The following ZNF354A variants were observed in gnomAD, a reference collection of about 807,000 sequenced individuals.
ZNF354A encodes epididymis luminal protein 104.
Under a neutral mutation model 53.3 loss-of-function variants are expected in ZNF354A, and 25 were observed. The observed-to-expected ratio is 0.47, with a 90% CI of 0.34 to 0.66. ZNF354A has a LOEUF of 0.66. Ranked by LOEUF, ZNF354A falls within the 30% of genes least tolerant of loss-of-function variation. The probability of loss-of-function intolerance (pLI) is 0.01; values close to 1 mark genes in which losing one functional copy is unlikely to be tolerated. For missense variants in ZNF354A, 586 were observed against 716.8 expected (o/e 0.82, Z 2.08); for synonymous variants, 228 against 249.0 (o/e 0.92, Z 0.79).
chr5:178,730,281 G>A (rs934948320), intron 1 of ZNF354A, among the ~76,000 whole-genome samples: 5 of 152,048 alleles, frequency 3.3e-5, no homozygotes, highest in African/African-American at 4.8e-5. Flanking sequence ...CGGGGTCCCG[G>A]TGCCCCGAGT....
chr5:178,712,259 T>C lies in ZNF354A; in HGVS notation c.1619A>G (p.His540Arg). The C allele has an allele frequency of 6.2e-7, 1 of 1,614,164 alleles. No homozygotes were observed. Among genetic ancestry groups the C allele is most frequent in the Non-Finnish European group, 8.5e-7 (1 of 1,179,992 alleles). ...SFGQSSALIQ[H>R]RRIHTGEKPF... is the part of the protein sequence containing the mutation. Reference sequence around the variant, plus strand: ...TTTTTCTCCTGTATGAATCCTTCGATGCTGAATAAGAGCTGAACTTTGGCC... The same window carrying C: ...TTTTTCTCCTGTATGAATCCTTCGACGCTGAATAAGAGCTGAACTTTGGCC... The change falls in exon 5 of 5, where the codon CAT becomes CGT. Residue 540 changes from histidine to arginine, a missense_variant. Transcript: ENST00000335815.
chr5:178,730,383 C>CG (rs1766010879), intron 1 of ZNF354A, among the ~76,000 whole-genome samples, 173 bp downstream of exon 1: 1 of 147,098 alleles, frequency 6.8e-6, no homozygotes, highest in Non-Finnish European at 1.5e-5. Flanking sequence ...GCACCAGCAA[C>CG]GGCGAGGGAG....
chr5:178,722,686 C>G (rs1483714548), intron 4 of ZNF354A, among the ~76,000 whole-genome samples: 1 of 152,190 alleles, frequency 6.6e-6, no homozygotes, highest in Non-Finnish European at 1.5e-5. Flanking sequence ...CATACCCTGG[C>G]CAGGGACTGT....
rs761605628 is a variant in ZNF354A, at chr5:178,713,319, G to C, written c.559C>G (p.Pro187Ala). ...QQILPREKTP[P>A]KCEIQGNSLK... ...CTGTTTCCTTGTATTTCACATTTTG[G>C]TGGTGTTTTTTCTCTGGGAAGTATC... The change falls in exon 5 of 5, where the codon CCA becomes GCA. Residue 187 changes from proline to alanine, a missense_variant. By Grantham distance (27) the Pro-to-Ala change is conservative. Coordinates refer to ENST00000335815, the MANE Select transcript of ZNF354A (RefSeq NM_005649.3). 6.2e-7 allele frequency: 1 copy of C among 1,614,092 alleles called. No individual in the cohort carries two copies. Among genetic ancestry groups the C allele is most frequent in the East Asian group, 2.2e-5 (1 of 44,866 alleles).
In ZNF354A at chr5:178,727,138, G is replaced by A. The variant is rs1267511853; in HGVS notation, c.34-13C>T. 2.5e-6 allele frequency: 4 copies of A among 1,609,366 alleles called. No homozygotes were observed. The highest frequency in any genetic ancestry group is 1.1e-5 in the South Asian group (1 of 90,288). On this transcript the variant is annotated splice_polypyrimidine_tract_variant and intron_variant, in intron 2 of 4. Coordinates refer to ENST00000335815, the MANE Select transcript of ZNF354A (RefSeq NM_005649.3). Reference sequence around the variant, plus strand: ...ACGTCAGTGACACCTGTAAGGACAAGTCGTTCCAGCTCACCCAGGACCACC... The same window carrying A: ...ACGTCAGTGACACCTGTAAGGACAAATCGTTCCAGCTCACCCAGGACCACC...
At chr5:178,728,805 A>AAAAC in intron 2 of ZNF354A, among the ~76,000 whole-genome samples, 185 bp downstream of exon 2, 1 of 105,538 alleles carries the variant, frequency 9.5e-6, no homozygotes, top group Non-Finnish European at 1.9e-5. Context: ...AAAAAAGAGA[A>AAAAC]CCACTAGACA....
chr5:178,712,357 T>A lies in ZNF354A; in HGVS notation c.1521A>T (p.Ser507=), dbSNP rs1408676973. The change falls in exon 5 of 5, where the codon TCA becomes TCT. Residue 507 remains serine, a synonymous_variant. Transcript: ENST00000335815. ...GAATTCTCTGGTGATTACTAAGTGA[T>A]GAGTTACACCTGAATGTTTTCCCAC... is the stretch of plus-strand genomic sequence containing the variant. ...NECGKTFRCN[S]SLSNHQRIHT... 10 of 1,613,708 alleles carry A rather than the reference T, an allele frequency of 6.2e-6. No homozygotes were observed. Among genetic ancestry groups the A allele is most frequent in the Non-Finnish European group, 8.5e-6 (10 of 1,179,590 alleles).
chr5:178,725,223 A>G (rs1245348798), intron 4 of ZNF354A, among the ~76,000 whole-genome samples, 153 bp downstream of exon 4: 5 of 152,264 alleles, frequency 3.3e-5, no homozygotes, highest in African/African-American at 1.2e-4. Context: ...TTCATGGGGA[A>G]GTGAATCCTG....
chr5:178,728,632 G>T, intron 2 of ZNF354A, among the ~76,000 whole-genome samples: 1 of 136,244 alleles, frequency 7.3e-6, no homozygotes, highest in Non-Finnish European at 1.7e-5. Context: ...TCTAATAAAA[G>T]CACAAAAAAA....
rs184771850 is a variant in ZNF354A, at chr5:178,725,217, T to C, written c.256+159A>G. 2.2e-4 allele frequency among the ~76,000 whole-genome samples: 34 copies of C among 152,382 alleles called. No homozygotes were observed. In the East Asian group the frequency reaches 5.8e-3, roughly 26 times the overall value. On this transcript the variant is annotated intron_variant, in intron 4 of 4. Transcript: ENST00000335815. Reference sequence around the variant, plus strand: ...TAAGAAAGAGATTCTGAGAGATTCATGGGGAAGTGAATCCTGCCTAAGAGC... The same window carrying C: ...TAAGAAAGAGATTCTGAGAGATTCACGGGGAAGTGAATCCTGCCTAAGAGC...
Position 178,712,467 on chromosome 5 carries a change from A to G in ZNF354A, c.1411T>C (p.Cys471Arg). The G allele has an allele frequency of 6.2e-7, 1 of 1,613,968 alleles. No individual in the cohort carries two copies. Among genetic ancestry groups the G allele is most frequent in the Non-Finnish European group, 8.5e-7 (1 of 1,179,904 alleles). ...GAACTCTGTCTGAAGGCTTTTCCAC[A>G]TACTTTACATTTACATGGTTTTTCT... ...TGEKPCKCKV[C>R]GKAFRQSSAL... The change falls in exon 5 of 5, where the codon TGT becomes CGT. Residue 471 changes from cysteine to arginine, a missense_variant. By Grantham distance (180) the Cys-to-Arg change is radical (BLOSUM62 -3). Transcript: ENST00000335815.
rs1479574964 is a variant in ZNF354A, at chr5:178,712,255, T to C, written c.1623A>G (p.Arg541=). ...AGGGTTTTTCTCCTGTATGAATCCT[T>C]CGATGCTGAATAAGAGCTGAACTTT... The part of the protein sequence containing the change: ...FGQSSALIQH[R]RIHTGEKPFK... The change falls in exon 5 of 5, where the codon CGA becomes CGG. Residue 541 remains arginine (R), a synonymous_variant. Coordinates refer to ENST00000335815, the MANE Select transcript of ZNF354A (RefSeq NM_005649.3). 1.9e-6 allele frequency: 3 copies of C among 1,614,088 alleles called. No homozygotes were observed. The highest frequency in any genetic ancestry group is 2.5e-6 in the Non-Finnish European group (3 of 1,179,990).
At chr5:178,730,467 C>T (rs923658685) in intron 1 of ZNF354A, 89 bp downstream of exon 1, 3 of 152,178 alleles carry the variant, frequency 2.0e-5, no homozygotes, top group Non-Finnish European at 4.4e-5. Context: ...CCGCCAGCGC[C>T]CACAAAGGCT....
At position 178,724,754 on chromosome 5, in the gene ZNF354A, C is replaced by T. The variant is rs186681595; in HGVS notation, c.256+622G>A. On this transcript the variant is annotated intron_variant, in intron 4 of 4. Transcript: ENST00000335815. ...TGCTTATGTGCACATTACACATACA[C>T]ATAATTTTCATTAGACATAAATGGT... Among the ~76,000 whole-genome samples, 1,155 of 152,334 alleles carry T rather than the reference C, an allele frequency of 7.6e-3. 9 individuals are homozygous for T. The highest frequency in any genetic ancestry group is 0.011 in the Non-Finnish European group (756 of 68,040).
At chr5:178,728,337 CG>C (rs1765951941) in intron 2 of ZNF354A, among the ~76,000 whole-genome samples, 3 of 151,976 alleles carry the variant, frequency 2.0e-5, no homozygotes, top group Admixed American at 6.5e-5. Flanking sequence ...CACAGCAATG[CG>C]GAAGTACCTA....
chr5:178,721,753 G>A (rs951119642), intron 4 of ZNF354A, among the ~76,000 whole-genome samples: 1 of 152,098 alleles, frequency 6.6e-6, no homozygotes, highest in Non-Finnish European at 1.5e-5. Context: ...CTCTAAGCAA[G>A]ATATCTCCCA....
chr5:178,726,946 T>C, intron 3 of ZNF354A, 53 bp downstream of exon 3: 1 of 1,568,420 alleles, frequency 6.4e-7, no homozygotes, highest in Admixed American at 1.8e-5. Context: ...GGGAAGGAGG[T>C]GCTGAGATAT....
chr5:178,715,834 A>C (rs1242438553), intron 4 of ZNF354A, among the ~76,000 whole-genome samples: 1 of 151,800 alleles, frequency 6.6e-6, no homozygotes, highest in Non-Finnish European at 1.5e-5. Context: ...TCTCTACCAT[A>C]ATCTCCTAAC....
At chr5:178,721,642 A>G (rs1406100821) in intron 4 of ZNF354A, among the ~76,000 whole-genome samples, 4 of 152,100 alleles carry the variant, frequency 2.6e-5, no homozygotes, top group Non-Finnish European at 4.4e-5. Flanking sequence ...GTGTGGACGT[A>G]CCACAGTTTA....
Sources: allele counts gnomAD v4.1 joint callset (sites outside exome capture counted in the v4.1 genomes callset), GRCh38; gene constraint gnomAD v4.1.1; transcripts MANE v1.5; gene names NCBI Gene and HGNC (gene_info 2026-07-23, HGNC 2026-07-21).